DPP10: variants seen among roughly 807,000 people sequenced by gnomAD.
DPP10 encodes dipeptidyl peptidase like 10, also known as inactive dipeptidyl peptidase 10.
A neutral mutation model predicts 120.9 loss-of-function variants in DPP10; 33 were observed. The observed-to-expected ratio is 0.27, with a 90% confidence interval of 0.21 to 0.37. The LOEUF is 0.37. Ranked by LOEUF, DPP10 falls within the 10% of genes least tolerant of loss-of-function variation. The pLI, the probability that DPP10 is intolerant of heterozygous loss-of-function variation, is 1.00. For synonymous variants in DPP10, 337 were observed against 326.1 expected (o/e 1.03, Z -0.36); for missense variants, 816 against 942.8 (o/e 0.87, Z 1.76).
rs544139758 is a variant in DPP10, at chr2:115,825,910, G to A, written c.1950+10181G>A. On this transcript the variant is annotated intron_variant, in intron 21 of 25. Transcript: ENST00000410059. ...CCCAATGAGCTGGGCAGAAGAGGCT[G>A]GTTTTATAGATAGAAAAGAACTAAA... 6.6e-5 allele frequency among the ~76,000 whole-genome samples: 10 copies of A among 152,206 alleles called. No homozygotes were observed. In the South Asian group the frequency reaches 2.1e-3, roughly 32 times the overall value.
At chr2:114,929,430 G>A (rs531774869) in intron 1 of DPP10, among the ~76,000 whole-genome samples, 15 of 152,254 alleles carry the variant, frequency 9.9e-5, no homozygotes, top group South Asian at 4.1e-4. Flanking sequence ...GTCTTCAACC[G>A]CATAAGACAG....
chr2:114,483,936 C>T (rs1246382033), intron 1 of DPP10, among the ~76,000 whole-genome samples: 1 of 152,178 alleles, frequency 6.6e-6, no homozygotes, highest in Non-Finnish European at 1.5e-5. Context: ...TACTCCCCAT[C>T]AGTCCCTTTG....
At chr2:115,732,764 T>C (rs1479145149) in intron 8 of DPP10, among the ~76,000 whole-genome samples, 1 of 152,194 alleles carries the variant, frequency 6.6e-6, no homozygotes, top group Non-Finnish European at 1.5e-5. Flanking sequence ...ACTAATATGC[T>C]TAAGTGATTT....
At chr2:115,786,350 C>G (rs1177499628) in intron 17 of DPP10, among the ~76,000 whole-genome samples, 1 of 152,070 alleles carries the variant, frequency 6.6e-6, no homozygotes, top group African/African-American at 2.4e-5. Flanking sequence ...TATATGAGGC[C>G]AGAGGGGCAG....
chr2:115,771,650 T>TA (rs973972348), intron 13 of DPP10, among the ~76,000 whole-genome samples: 3 of 151,312 alleles, frequency 2.0e-5, no homozygotes, highest in African/African-American at 7.4e-5. Flanking sequence ...GATGACTTTT[T>TA]ACCCCCTTTC....
intron 1 of DPP10, among the ~76,000 whole-genome samples, chr2:114,698,675 A>G (rs1234711430): frequency 1.3e-5 from 2 of 152,094 alleles, no homozygotes; most frequent in African/African-American, 4.8e-5. Context: ...GGATCTTGGA[A>G]AGCAAGTGAA....
chr2:115,801,384 G>C (rs1685220178), intron 19 of DPP10, among the ~76,000 whole-genome samples: 1 of 152,136 alleles, frequency 6.6e-6, no homozygotes, highest in Non-Finnish European at 1.5e-5. Context: ...TCTGCAAACA[G>C]GGACAATTTG....
chr2:115,402,854 A>AAAATATATAT (rs1476901026), intron 3 of DPP10, among the ~76,000 whole-genome samples: 64 of 97,636 alleles, frequency 6.6e-4, no homozygotes, highest in East Asian at 5.4e-3. Context: ...AAAAAAAAAA[A>AAAATATATAT]ATATATATAT....
At chr2:115,407,317 C>T (rs2068589916) in intron 3 of DPP10, among the ~76,000 whole-genome samples, 1 of 152,192 alleles carries the variant, frequency 6.6e-6, no homozygotes, top group Admixed American at 6.5e-5. Context: ...CCTTGGCTGC[C>T]TCCTGTCTCT....
intron 3 of DPP10, among the ~76,000 whole-genome samples, chr2:115,413,416 G>A (rs577302019): frequency 1.1e-3 from 173 of 152,264 alleles, no homozygotes; most frequent in Non-Finnish European, 2.0e-3. Flanking sequence ...GAAAATAGTG[G>A]CAGCCGCTCC....
intron 3 of DPP10, among the ~76,000 whole-genome samples, chr2:115,419,481 G>A (rs1476225447): frequency 6.6e-6 from 1 of 152,130 alleles, no homozygotes; most frequent in Non-Finnish European, 1.5e-5. Context: ...TAATGAGCTA[G>A]TAGAGGGGAG....
At chr2:114,851,069 AC>A (rs1361512977) in intron 1 of DPP10, among the ~76,000 whole-genome samples, 1 of 152,156 alleles carries the variant, frequency 6.6e-6, no homozygotes, top group Non-Finnish European at 1.5e-5. Flanking sequence ...TTAATTTCGT[AC>A]CTTGACTCAC....
At chr2:114,668,721 T>C (rs779159064) in intron 1 of DPP10, among the ~76,000 whole-genome samples, 2 of 152,170 alleles carry the variant, frequency 1.3e-5, no homozygotes, top group Non-Finnish European at 2.9e-5. Context: ...CTATGGAACA[T>C]GGCTTTCCTT....
intron 1 of DPP10, among the ~76,000 whole-genome samples, chr2:114,989,438 A>G (rs1027840297): frequency 6.6e-6 from 1 of 152,230 alleles, no homozygotes; most frequent in Non-Finnish European, 1.5e-5. Flanking sequence ...AGAGGTACCA[A>G]GAAGTGATCG....
At chr2:115,257,100 G>T (rs1452663339) in intron 1 of DPP10, among the ~76,000 whole-genome samples, 1 of 152,174 alleles carries the variant, frequency 6.6e-6, no homozygotes, top group East Asian at 1.9e-4. Flanking sequence ...TGTCATATCA[G>T]CATTTTGGTC....
intron 1 of DPP10, among the ~76,000 whole-genome samples, chr2:114,813,967 C>CACAT (rs1685404900): frequency 6.6e-6 from 1 of 151,724 alleles, no homozygotes; most frequent in African/African-American, 2.4e-5. Flanking sequence ...CACACACACA[C>CACAT]ACACACACAC....
Position 115,805,007 on chromosome 2 carries a change from T to C in DPP10, c.1701-9786T>C, listed in dbSNP as rs1335785463. Among the ~76,000 whole-genome samples, 9 of 152,308 alleles carry C rather than the reference T, an allele frequency of 5.9e-5. No homozygotes were observed. The East Asian group carries it at 1.7e-3, about 29-fold the overall frequency. ...GCAGAGGTTATTGCTGTCTTTTGTT[T>C]GTCTGTGCCCTGCCCCCAGAGGTGG... On this transcript the variant is annotated intron_variant, in intron 19 of 25. Coordinates refer to ENST00000410059, the MANE Select transcript of DPP10 (RefSeq NM_020868.6).
At chr2:114,784,761 G>T (rs528933461) in intron 1 of DPP10, among the ~76,000 whole-genome samples, 1 of 152,270 alleles carries the variant, frequency 6.6e-6, no homozygotes, top group South Asian at 2.1e-4. Context: ...TACATCAATA[G>T]AACAACTTAT....
chr2:115,699,087 T>TG (rs1186745434), intron 7 of DPP10, among the ~76,000 whole-genome samples: 1 of 131,334 alleles, frequency 7.6e-6, no homozygotes, highest in Non-Finnish European at 1.6e-5. Context: ...AGATTGAAAG[T>TG]GGGGATATTA....
Sources: gnomAD v4.1 joint callset for allele counts (sites outside exome capture counted in the v4.1 genomes callset) on GRCh38, gnomAD v4.1.1 for gene constraint, MANE v1.5 for transcripts, NCBI Gene and HGNC (gene_info 2026-07-23, HGNC 2026-07-21) for gene names.